Variants in TSHR observed in about 807,000 individuals in gnomAD.
The protein encoded by TSHR is thyrotropin receptor.
A neutral mutation model predicts 64.1 loss-of-function variants in TSHR; 51 were observed. The ratio of observed to expected loss-of-function variants is 0.80; its 90% confidence interval spans 0.64 to 1.01. The LOEUF is 1.01. TSHR is among the 50% of genes least tolerant of loss of function. The pLI is 0.00. For missense variants in TSHR, 877 were observed against 942.8 expected, an observed-to-expected ratio of 0.93 and a Z score of 0.91; for synonymous variants, 361 against 361.9, an observed-to-expected ratio of 1.00 and a Z score of 0.03.
chr14:81,076,847 A>G (rs1049293340), intron 3 of TSHR, among the ~76,000 whole-genome samples: 4 of 152,208 alleles, frequency 2.6e-5, no homozygotes, highest in African/African-American at 9.6e-5. Flanking sequence ...TTTCTTGAAT[A>G]AAATCCAAGT....
At chr14:81,104,060 C>T (rs527577594) in intron 7 of TSHR, 1 of 985,362 alleles carries the variant, frequency 1.0e-6, no homozygotes, top group African/African-American at 1.7e-5. Flanking sequence ...ATTAAGAAGG[C>T]TATTATTTAT....
chr14:81,015,621 A>AT (rs1443526324), intron 1 of TSHR, among the ~76,000 whole-genome samples: 1 of 152,110 alleles, frequency 6.6e-6, no homozygotes. Context: ...CATATTCATC[A>AT]TTTTTTTGTG....
intron 2 of TSHR, among the ~76,000 whole-genome samples, chr14:81,066,068 C>A (rs1886588263): frequency 6.6e-6 from 1 of 152,064 alleles, no homozygotes; most frequent in African/African-American, 2.4e-5. Flanking sequence ...ATTTTTATCC[C>A]CCTGAATAAA....
intron 1 of TSHR, among the ~76,000 whole-genome samples, chr14:81,023,516 TG>T (rs1883883509): frequency 6.6e-6 from 1 of 152,124 alleles, no homozygotes; most frequent in African/African-American, 2.4e-5. Context: ...GATGTGTGTT[TG>T]GGGGCAAGTA....
intron 1 of TSHR, among the ~76,000 whole-genome samples, chr14:81,049,131 T>C (rs1566779868): frequency 6.6e-6 from 1 of 152,220 alleles, no homozygotes; most frequent in Non-Finnish European, 1.5e-5. Context: ...TCTTGTATTA[T>C]TTCTTCATAG....
intron 1 of TSHR, among the ~76,000 whole-genome samples, chr14:81,044,322 G>A (rs548698449): frequency 3.3e-5 from 5 of 152,018 alleles, no homozygotes; most frequent in South Asian, 2.1e-4. Context: ...ACAATCATAC[G>A]AAAAAAAGGT....
chr14:80,955,624 G>A lies in TSHR; in HGVS notation c.-57G>A. 2.5e-6 allele frequency: 4 copies of A among 1,607,692 alleles called. No homozygotes were observed. Among genetic ancestry groups the A allele is most frequent in the Non-Finnish European group, 1.7e-6 (2 of 1,175,984 alleles). On this transcript the variant is annotated 5_prime_UTR_variant, in exon 1 of 10. Transcript: ENST00000298171. ...TTGGCCTGGGGTAACCCGAGGTGCA[G>A]AGCTGAGAATGAGGCGATTTCGGAG... is the stretch of plus-strand genomic sequence containing the variant.
intron 1 of TSHR, among the ~76,000 whole-genome samples, chr14:81,057,559 A>C (rs980101881): frequency 6.6e-6 from 1 of 152,212 alleles, no homozygotes; most frequent in Admixed American, 6.5e-5. Context: ...ATTTTTACCA[A>C]TTCCCTCTTT....
At position 80,955,688 on chromosome 14, in the gene TSHR, C is replaced by T. The variant is rs1263008401; in HGVS notation, c.8C>T (p.Pro3Leu). 6.2e-7 allele frequency: 1 copy of T among 1,614,000 alleles called. No individual in the cohort carries two copies. Among genetic ancestry groups the T allele is most frequent in the Non-Finnish European group, 8.5e-7 (1 of 1,179,960 alleles). The change falls in exon 1 of 10, where the codon CCG (proline) becomes CTG (leucine). Residue 3 changes from proline (P) to leucine (L), a missense_variant. Physicochemically the swap from Pro to Leu is moderately conservative, Grantham distance 98. Transcript: ENST00000298171. Reference sequence around the variant, plus strand: ...CCCCGAGTCCCGTGGAAAATGAGGCCGGCGGACTTGCTGCAGCTGGTGCTG... The same window carrying T: ...CCCCGAGTCCCGTGGAAAATGAGGCTGGCGGACTTGCTGCAGCTGGTGCTG... MRPADLLQLVLLL... is the reference protein window; with the variant it reads MRLADLLQLVLLL...
intron 1 of TSHR, among the ~76,000 whole-genome samples, chr14:80,972,467 G>C (rs186077298): frequency 2.1e-4 from 32 of 152,216 alleles, no homozygotes; most frequent in Middle Eastern, 3.4e-3. Context: ...TTATGTCACA[G>C]CTGGTAAGTG....
chr14:81,101,846 T>C (rs572971594), intron 7 of TSHR, among the ~76,000 whole-genome samples: 1 of 152,172 alleles, frequency 6.6e-6, no homozygotes, highest in South Asian at 2.1e-4. Flanking sequence ...ACATAAACAG[T>C]AGCCCTGGCC....
At chr14:81,021,168 G>A (rs1021246347) in intron 1 of TSHR, among the ~76,000 whole-genome samples, 2 of 152,032 alleles carry the variant, frequency 1.3e-5, no homozygotes, top group Non-Finnish European at 2.9e-5. Flanking sequence ...CCCCGACCCT[G>A]CCAGTCTATG....
intron 1 of TSHR, chr14:80,982,800 C>T: frequency 7.3e-6 from 4 of 550,284 alleles, no homozygotes; most frequent in Non-Finnish European, 1.3e-5. Flanking sequence ...GGAACACTAA[C>T]TCATGCTCAC....
chr14:81,070,354 C>A (rs77425375), intron 3 of TSHR, among the ~76,000 whole-genome samples: 2 of 151,944 alleles, frequency 1.3e-5, no homozygotes, highest in Non-Finnish European at 2.9e-5. Flanking sequence ...CAAGGCTGGG[C>A]GCGCTGGCTC....
At chr14:80,959,074 T>A (rs546869711) in intron 1 of TSHR, among the ~76,000 whole-genome samples, 1 of 152,262 alleles carries the variant, frequency 6.6e-6, no homozygotes, top group South Asian at 2.1e-4. Flanking sequence ...ACTACCCATA[T>A]CCCAGCCCCG....
At chr14:81,111,097 T>C (rs1158595358) in intron 8 of TSHR, among the ~76,000 whole-genome samples, 1 of 152,204 alleles carries the variant, frequency 6.6e-6, no homozygotes, top group Non-Finnish European at 1.5e-5. Context: ...TCAGATATTT[T>C]TTACTTATTA....
At chr14:81,003,452 C>G (rs778804753) in intron 1 of TSHR, 1 of 192,494 alleles carries the variant, frequency 5.2e-6, no homozygotes, top group Non-Finnish European at 1.1e-5. Flanking sequence ...ACCAATTCCC[C>G]CATTGTAATG....
At chr14:81,098,876 T>A (rs1331202412) in intron 7 of TSHR, among the ~76,000 whole-genome samples, 2 of 152,190 alleles carry the variant, frequency 1.3e-5, no homozygotes, top group Non-Finnish European at 2.9e-5. Context: ...TTCTAAAACA[T>A]TAATTTTTCC....
chr14:81,023,867 CT>C (rs1285680298), intron 1 of TSHR, among the ~76,000 whole-genome samples: 1 of 152,154 alleles, frequency 6.6e-6, no homozygotes. Context: ...GTGCTGACTT[CT>C]TTTTCTTACT....
Sources: allele counts gnomAD v4.1 joint callset (sites outside exome capture counted in the v4.1 genomes callset), GRCh38; gene constraint gnomAD v4.1.1; transcripts MANE v1.5; gene names NCBI Gene and HGNC (gene_info 2026-07-23, HGNC 2026-07-21).